Variants in CLNK observed in about 807,000 individuals in gnomAD.
The protein encoded by CLNK is cytokine dependent hematopoietic cell linker, also known as cytokine-dependent hematopoietic cell linker.
CLNK carries 74 observed loss-of-function variants against 68.6 expected under a neutral mutation model. The ratio of observed to expected loss-of-function variants is 1.08; its 90% CI spans 0.89 to 1.31. CLNK has a LOEUF of 1.31. Among genes scored for constraint, CLNK ranks in the 50% most tolerant of loss-of-function variants. CLNK has a pLI of 0.00. For missense variants in CLNK, 553 were observed against 515.3 expected, an observed-to-expected ratio of 1.07 and a Z score of -0.71; for synonymous variants, 198 against 172.2, an observed-to-expected ratio of 1.15 and a Z score of -1.17.
At chr4:10,564,212 T>A (rs1410274605) in intron 7 of CLNK, among the ~76,000 whole-genome samples, 1 of 151,758 alleles carries the variant, frequency 6.6e-6, no homozygotes, top group South Asian at 2.1e-4. Flanking sequence ...ATAAGCATGG[T>A]AGGATTTTCT....
intron 8 of CLNK, among the ~76,000 whole-genome samples, chr4:10,545,350 A>C (rs1305724741): frequency 6.6e-6 from 1 of 152,232 alleles, no homozygotes; most frequent in East Asian, 1.9e-4. Flanking sequence ...GCCCCACCCA[A>C]GACTGAAACC....
chr4:10,708,189 C>T, the CLNK span, among the ~76,000 whole-genome samples: 21 of 152,098 alleles, frequency 1.4e-4, no homozygotes, highest in South Asian at 2.1e-4. Flanking sequence ...GACTTCCTGA[C>T]GCTCCTTAAC....
intron 2 of CLNK, among the ~76,000 whole-genome samples, chr4:10,660,539 T>G (rs1387045221): frequency 1.3e-5 from 2 of 152,218 alleles, no homozygotes; most frequent in Non-Finnish European, 1.5e-5. Context: ...GATAACAAAC[T>G]CATGCATTAA....
At chr4:10,616,790 G>GTA (rs58333228) in intron 2 of CLNK, among the ~76,000 whole-genome samples, 1,796 of 63,992 alleles carry the variant, frequency 0.028, 40 homozygotes, top group African/African-American at 0.068. Flanking sequence ...GTGTGTGTGT[G>GTA]TATATATATA....
intron 1 of CLNK, among the ~76,000 whole-genome samples, chr4:10,680,265 G>A (rs1278329524): frequency 1.3e-5 from 2 of 150,844 alleles, no homozygotes; most frequent in African/African-American, 4.9e-5. Flanking sequence ...GCTATCGCAA[G>A]GACAATAAAC....
At chr4:10,665,336 C>T (rs10938921) in intron 2 of CLNK, among the ~76,000 whole-genome samples, 71,234 of 151,980 alleles carry the variant, frequency 0.47, 17,442 homozygotes, top group Non-Finnish European at 0.54. Context: ...AACCTCTCCT[C>T]TTACAGAAGA....
intron 8 of CLNK, among the ~76,000 whole-genome samples, chr4:10,557,076 AAAATAAATAAATAAATAAAT>A (rs145622246): frequency 4.3e-5 from 6 of 139,996 alleles, no homozygotes; most frequent in East Asian, 4.2e-4. Flanking sequence ...ACTCTGTCTC[AAAATAAATAAATAAATAAAT>A]AAATAAATAA....
At chr4:10,570,434 A>C (rs1720299431) in intron 5 of CLNK, among the ~76,000 whole-genome samples, 1 of 152,172 alleles carries the variant, frequency 6.6e-6, no homozygotes, top group Non-Finnish European at 1.5e-5. Flanking sequence ...ATTTGTTTTA[A>C]ATATAGAGTT....
the CLNK span, among the ~76,000 whole-genome samples, chr4:10,722,678 A>AAAT: frequency 6.6e-6 from 1 of 152,334 alleles, no homozygotes; most frequent in Admixed American, 6.5e-5. Context: ...GAGATCTGCT[A>AAAT]TTGTACACTC....
chr4:10,639,290 GA>G (rs1278546851), intron 2 of CLNK, among the ~76,000 whole-genome samples: 4 of 152,206 alleles, frequency 2.6e-5, no homozygotes, highest in African/African-American at 9.6e-5. Flanking sequence ...AAATTGTTTA[GA>G]CAGGATGCCT....
the CLNK span, among the ~76,000 whole-genome samples, chr4:10,694,218 G>C: frequency 6.6e-6 from 1 of 151,174 alleles, no homozygotes; most frequent in Non-Finnish European, 1.5e-5. Flanking sequence ...ATTCATACTA[G>C]ATTCCCAAAT....
the CLNK span, among the ~76,000 whole-genome samples, chr4:10,730,962 G>T: frequency 6.6e-6 from 1 of 152,188 alleles, no homozygotes; most frequent in East Asian, 1.9e-4. Flanking sequence ...AGGAAGGAAA[G>T]CTACAGATTT....
chr4:10,724,502 A>G, the CLNK span, among the ~76,000 whole-genome samples: 1 of 128,682 alleles, frequency 7.8e-6, no homozygotes, highest in Non-Finnish European at 1.7e-5. Flanking sequence ...TTCGTTGCCT[A>G]TTATAATGTA....
intron 2 of CLNK, chr4:10,598,553 C>G (rs1299489938): frequency 3.6e-6 from 1 of 275,912 alleles, no homozygotes; most frequent in East Asian, 1.3e-4. Context: ...GGAAGACAGA[C>G]TATTTAGCAA....
At chr4:10,618,929 G>C (rs1240788833) in intron 2 of CLNK, among the ~76,000 whole-genome samples, 1 of 152,216 alleles carries the variant, frequency 6.6e-6, no homozygotes. Flanking sequence ...CTGGACCTGA[G>C]ATTTGGGTGA....
chr4:10,554,480 G>A (rs925923291), intron 8 of CLNK, among the ~76,000 whole-genome samples: 1 of 152,060 alleles, frequency 6.6e-6, no homozygotes, highest in Non-Finnish European at 1.5e-5. Context: ...AAATAAATTT[G>A]TTATATCAAA....
chr4:10,627,527 A>G (rs1426213213), intron 2 of CLNK, among the ~76,000 whole-genome samples: 1 of 152,172 alleles, frequency 6.6e-6, no homozygotes, highest in Non-Finnish European at 1.5e-5. Flanking sequence ...TCCAAACAAC[A>G]TTGCCACTTG....
rs115392169 is a variant in CLNK, at chr4:10,517,731, T to C, written c.772+3060A>G. Among the ~76,000 whole-genome samples the C allele has an allele frequency of 7.6e-3, 1,159 of 152,348 alleles. 11 individuals carry two copies. Among genetic ancestry groups the C allele is most frequent in the Middle Eastern group, 0.037 (11 of 294 alleles). On this transcript the variant is annotated intron_variant, in intron 15 of 18. Coordinates refer to ENST00000226951, the MANE Select transcript of CLNK (RefSeq NM_052964.4). Reference sequence around the variant, plus strand: ...CATGATATTGTGGCAACTGATTTATTCTTTTTTAACCTTCAGTGCCTTGCT... The same window carrying C: ...CATGATATTGTGGCAACTGATTTATCCTTTTTTAACCTTCAGTGCCTTGCT...
At chr4:10,509,651 A>C (rs1020199004) in intron 16 of CLNK, among the ~76,000 whole-genome samples, 1 of 152,010 alleles carries the variant, frequency 6.6e-6, no homozygotes, top group South Asian at 2.1e-4. Flanking sequence ...CAGCCTCCCA[A>C]GTGGCTGGGA....
Sources: gnomAD v4.1 joint callset for allele counts (sites outside exome capture counted in the v4.1 genomes callset) on GRCh38, gnomAD v4.1.1 for gene constraint, MANE v1.5 for transcripts, NCBI Gene and HGNC (gene_info 2026-07-23, HGNC 2026-07-21) for gene names.